STAG2: variants seen among roughly 807,000 people sequenced by gnomAD.
STAG2 encodes the protein cohesin subunit SA-2.
STAG2 carries 14 observed loss-of-function variants against 108.1 expected under a neutral mutation model. The ratio of observed to expected loss-of-function variants is 0.13; its 90% CI spans 0.09 to 0.20. The LOEUF is 0.20. Among genes scored for constraint, STAG2 ranks in the 10% least tolerant of loss-of-function variants. The pLI is 1.00. For synonymous variants in STAG2, 307 were observed against 302.7 expected (o/e 1.01, Z -0.15); for missense variants, 440 against 940.9 (o/e 0.47, Z 6.96).
intron 2 of STAG2, 57 bp from the exon 3 acceptor site, chrX:124,022,473 AT>A (rs1471185288): frequency 4.6e-6 from 2 of 432,609 alleles, no homozygotes; most frequent in Admixed American, 1.1e-4. Flanking sequence ...GAGTATGGAT[AT>A]CCTTTCCGAA....
At chrX:124,037,400 T>C (rs1360880479) in intron 5 of STAG2, 127 bp from the exon 6 acceptor site, 14 of 227,780 alleles carry the variant, frequency 6.1e-5, no homozygotes, top group Middle Eastern at 1.5e-3. Flanking sequence ...TAAATTTCAG[T>C]GTATAAGTAT....
intron 1 of STAG2, among the ~76,000 whole-genome samples, chrX:124,018,135 C>T (rs1187127677): frequency 8.9e-6 from 1 of 111,951 alleles, no homozygotes; most frequent in Non-Finnish European, 1.9e-5. Context: ...TATGCTTTAT[C>T]CTCCAAAGCT....
chrX:124,018,665 T>A (rs1216593396), intron 1 of STAG2, among the ~76,000 whole-genome samples: 1 of 110,262 alleles, frequency 9.1e-6, no homozygotes, highest in Non-Finnish European at 1.9e-5. Flanking sequence ...CATGCCCGGC[T>A]GATTTTTTGA....
chrX:123,973,242 T>C (rs1340546466), intron 1 of STAG2, among the ~76,000 whole-genome samples: 1 of 110,471 alleles, frequency 9.1e-6, no homozygotes, highest in Non-Finnish European at 1.9e-5. Flanking sequence ...AGCTGGTATT[T>C]AAAGTACTTA....
At chrX:124,074,291 G>A (rs189778756) in intron 25 of STAG2, among the ~76,000 whole-genome samples, 18 of 112,187 alleles carry the variant, frequency 1.6e-4, no homozygotes, top group Admixed American at 8.5e-4. Context: ...TATTCTAACT[G>A]CTGAATATTA....
chrX:124,042,823 C>G (rs760755158), intron 7 of STAG2, among the ~76,000 whole-genome samples, 178 bp downstream of exon 7: 10 of 109,625 alleles, frequency 9.1e-5, no homozygotes, highest in Non-Finnish European at 1.3e-4. Flanking sequence ...ACCAGCTTGA[C>G]CAATATGGTG....
rs747333406 is a variant in STAG2 at position 123,972,866 on chromosome X, CAAAAAAAAA to C, written c.-163+11027_-163+11035del. On this transcript the variant is annotated intron_variant, in intron 1 of 34. Transcript: ENST00000371145. ...AAACTCCCCCCCTCTACCAAAAATA[CAAAAAAAAA>C]AAAAAAAAAAAAAAAAGAACCGAAT... 2.3e-4 allele frequency among the ~76,000 whole-genome samples: 5 copies of C among 21,929 alleles called. No individual in the cohort carries two copies. The East Asian group carries it at 6.1e-3, about 27-fold the overall frequency. The allele number at this position is 21,929 out of a possible 115,157, so 19.0% of individuals were successfully genotyped here.
At position 124,037,515 on chromosome X, in the gene STAG2, C is replaced by A; in HGVS notation, c.289-12C>A. The stretch of plus-strand genomic sequence containing the variant: ...AGAAGCTAATGATTTTATTTTTTTC[C>A]CTCTGCTGTAGTCGGTGGTAGATGA... On this transcript the variant is annotated splice_polypyrimidine_tract_variant and intron_variant, in intron 5 of 34. Transcript: ENST00000371145. The A allele has an allele frequency of 9.2e-7, 1 of 1,091,323 alleles. No homozygotes were observed. The highest frequency in any genetic ancestry group is 1.2e-6 in the Non-Finnish European group (1 of 819,305). The allele number at this position is 1,091,323 out of a possible 1,213,427, so 89.9% of individuals were successfully genotyped here.
intron 1 of STAG2, among the ~76,000 whole-genome samples, chrX:123,963,777 C>T (rs753872513): frequency 9.0e-6 from 1 of 111,159 alleles, no homozygotes; most frequent in Non-Finnish European, 1.9e-5. Context: ...ATGGTTATAT[C>T]TTTGTGTTTA....
intron 1 of STAG2, among the ~76,000 whole-genome samples, chrX:124,015,909 C>G (rs1358557014): frequency 1.8e-5 from 2 of 111,222 alleles, no homozygotes; most frequent in Non-Finnish European, 3.8e-5. Context: ...ATGCTGTCTC[C>G]TGAGAAAGTA....
At chrX:124,011,321 A>G (rs2056515703) in intron 1 of STAG2, among the ~76,000 whole-genome samples, 2 of 111,672 alleles carry the variant, frequency 1.8e-5, no homozygotes, top group Admixed American at 1.9e-4. Flanking sequence ...CTGGGAACAG[A>G]GATAATTTTA....
At chrX:123,988,202 A>T (rs1277722537) in intron 1 of STAG2, among the ~76,000 whole-genome samples, 1 of 112,023 alleles carries the variant, frequency 8.9e-6, no homozygotes, top group Non-Finnish European at 1.9e-5. Flanking sequence ...GATGTGGTTT[A>T]TAGTATATTG....
chrX:124,028,373 C>T (rs749547894), intron 4 of STAG2, among the ~76,000 whole-genome samples: 15 of 111,309 alleles, frequency 1.3e-4, no homozygotes, highest in Middle Eastern at 4.6e-3. Context: ...AGGGATGATT[C>T]ACGTCCTGGG....
intron 1 of STAG2, among the ~76,000 whole-genome samples, chrX:124,007,347 C>T (rs1021300282): frequency 3.6e-5 from 4 of 111,496 alleles, no homozygotes; most frequent in Non-Finnish European, 5.7e-5. Flanking sequence ...CCTTAAAATT[C>T]TTCCCACTAA....
intron 1 of STAG2, among the ~76,000 whole-genome samples, chrX:123,988,067 T>C (rs2055281240): frequency 9.0e-6 from 1 of 111,678 alleles, no homozygotes; most frequent in South Asian, 3.7e-4. Flanking sequence ...TGCTATGTGA[T>C]TGTTCTGATT....
chrX:124,018,918 G>A (rs2056827165), intron 1 of STAG2, among the ~76,000 whole-genome samples: 2 of 110,777 alleles, frequency 1.8e-5, no homozygotes, highest in South Asian at 7.5e-4. Context: ...CATCCGTTGG[G>A]TTCCTTCCCT....
intron 14 of STAG2, among the ~76,000 whole-genome samples, chrX:124,056,876 T>G (rs769075924): frequency 2.1e-5 from 2 of 94,822 alleles, no homozygotes; most frequent in East Asian, 6.4e-4. Flanking sequence ...CATCTAAATA[T>G]TGCTTATGCT....
intron 1 of STAG2, among the ~76,000 whole-genome samples, chrX:123,997,182 T>G (rs1177905398): frequency 8.9e-6 from 1 of 112,331 alleles, no homozygotes; most frequent in Admixed American, 9.5e-5. Context: ...AACTTTGTTC[T>G]TTTTCAAAAT....
At chrX:124,060,094 C>T (rs1440305650) in intron 15 of STAG2, among the ~76,000 whole-genome samples, 5 of 111,772 alleles carry the variant, frequency 4.5e-5, no homozygotes, top group African/African-American at 1.3e-4. Context: ...CTCCTCCCCC[C>T]GCCAAAGGAG....
Sources: allele counts gnomAD v4.1 joint callset (sites outside exome capture counted in the v4.1 genomes callset), GRCh38; gene constraint gnomAD v4.1.1; transcripts MANE v1.5; gene names NCBI Gene and HGNC (gene_info 2026-07-23, HGNC 2026-07-21).